GTSE1: variants seen among roughly 807,000 people sequenced by gnomAD.
GTSE1 encodes G2 and S phase-expressed protein 1.
GTSE1 carries 52 observed loss-of-function variants against 60.5 expected under a neutral mutation model. The ratio of observed to expected loss-of-function variants is 0.86; its 90% CI spans 0.69 to 1.08. The LOEUF is 1.08. Among genes scored for constraint, GTSE1 ranks in the 50% least tolerant of loss-of-function variants. The pLI is 0.00. For missense variants in GTSE1, 937 were observed against 961.8 expected (o/e 0.97, Z 0.34); for synonymous variants, 368 against 386.5 (o/e 0.95, Z 0.56).
intron 2 of GTSE1, among the ~76,000 whole-genome samples, chr22:46,299,652 G>A (rs6008568): frequency 0.045 from 6,897 of 152,184 alleles, 527 homozygotes; most frequent in African/African-American, 0.16. Context: ...CTGTCTCACC[G>A]GCTTCTACTT....
At position 46,316,637 on chromosome 22, in the gene GTSE1, T is replaced by C. The variant is rs2077782786; in HGVS notation, c.1432+225T>C. Among the ~76,000 whole-genome samples the C allele has an allele frequency of 6.6e-6, 1 of 152,194 alleles. No individual in the cohort carries two copies. Among genetic ancestry groups the C allele is most frequent in the Non-Finnish European group, 1.5e-5 (1 of 68,048 alleles). ...TGTGTGTGTGACACCCCAATGCTCG[T>C]AGGCTGCTTGTAAGGTTTTCTCTTT... On this transcript the variant is annotated intron_variant, in intron 7 of 11. Coordinates refer to ENST00000454366, the MANE Select transcript of GTSE1 (RefSeq NM_016426.7). The surrounding 1 kb of genome is among the most constrained non-coding windows in gnomAD (Gnocchi z 5.0).
At position 46,329,544 on chromosome 22, in the gene GTSE1, A is replaced by C. The variant is rs1411123161; in HGVS notation, c.2113A>C (p.Lys705Gln). Residue 705 changes from lysine (K) to glutamine (Q), a missense_variant, in exon 11 of 12, where the codon AAA becomes CAA. Transcript: ENST00000454366. This position sits in a 1 kb window ranked among gnomAD's most constrained non-coding sequence, Gnocchi z 6.4. ...NTPDMNKNVA[K>Q]PSPVVGQLID... ...TCCAGACATGAATAAAAATGTGGCC[A>C]AACCTTCACCGGTGGTGGGACAGGT... The C allele has an allele frequency of 1.9e-5, 31 of 1,614,012 alleles. No individual in the cohort carries two copies. Among genetic ancestry groups the C allele is most frequent in the Non-Finnish European group, 2.6e-5 (31 of 1,179,992 alleles).
At position 46,314,796 on chromosome 22, in the gene GTSE1, A is replaced by C. The variant is rs12171124; in HGVS notation, c.1051+783A>C. ...GAGACTGGGCCACGAGAATGGCTTG[A>C]ACGCGGGAGGCAGAGGTTACCATGA... On this transcript the variant is annotated intron_variant, in intron 6 of 11. Coordinates refer to ENST00000454366, the MANE Select transcript of GTSE1 (RefSeq NM_016426.7). The surrounding 1 kb of genome is among the most constrained non-coding windows in gnomAD (Gnocchi z 7.1). Among the ~76,000 whole-genome samples, 22,136 of 150,698 alleles carry C rather than the reference A, an allele frequency of 0.15. 2,193 individuals carry two copies. Among genetic ancestry groups the C allele is most frequent in the African/African-American group, 0.28 (11,429 of 40,804 alleles).
intron 2 of GTSE1, among the ~76,000 whole-genome samples, chr22:46,299,641 G>A (rs148162860): frequency 3.3e-5 from 5 of 152,156 alleles, no homozygotes; most frequent in Non-Finnish European, 4.4e-5. Context: ...TCTCAGCCAC[G>A]CTGTCTCACC....
rs746573864 is a variant in GTSE1 at position 46,312,286 on chromosome 22, C to T, written c.908C>T (p.Ala303Val). ...AGSHLGQGKRAIPVPNKLGLK... is the reference protein window; with the variant it reads ...AGSHLGQGKRVIPVPNKLGLK... ...AGCCACTTGGGCCAGGGCAAGCGGGCGATCCCTGTTCCAAACAAGGTGAGT... is the reference window on the plus strand; with the variant it reads ...AGCCACTTGGGCCAGGGCAAGCGGGTGATCCCTGTTCCAAACAAGGTGAGT... Residue 303 changes from alanine to valine, a missense_variant, in exon 5 of 12, where the codon GCG (alanine) becomes GTG (valine). Ala to Val is a moderately conservative substitution (Grantham distance 64). Coordinates refer to ENST00000454366, the MANE Select transcript of GTSE1 (RefSeq NM_016426.7). The T allele has an allele frequency of 1.3e-4, 217 of 1,612,480 alleles. No homozygotes were observed. The highest frequency in any genetic ancestry group is 1.8e-4 in the Non-Finnish European group (209 of 1,179,440).
chr22:46,324,600 C>G lies in GTSE1; in HGVS notation c.1505+1338C>G, dbSNP rs1044508629. Among the ~76,000 whole-genome samples the G allele has an allele frequency of 1.3e-5, 2 of 152,142 alleles. No individual in the cohort carries two copies. The highest frequency in any genetic ancestry group is 2.9e-5 in the Non-Finnish European group (2 of 68,036). Reference sequence around the variant, plus strand: ...GCCAGGATGGTCTCGATCTCCTGGCCTCGTGATCCACCAGCCTTGGCCTCG... The same window carrying G: ...GCCAGGATGGTCTCGATCTCCTGGCGTCGTGATCCACCAGCCTTGGCCTCG... On this transcript the variant is annotated intron_variant, in intron 8 of 11. Transcript: ENST00000454366. This position sits in a 1 kb window ranked among gnomAD's most constrained non-coding sequence, Gnocchi z 5.2.
Position 46,329,903 on chromosome 22 carries a change from G to C in GTSE1, c.2137-144G>C. 2 of 642,864 alleles carry C rather than the reference G, an allele frequency of 3.1e-6. No homozygotes were observed. Among genetic ancestry groups the C allele is most frequent in the Non-Finnish European group, 5.6e-6 (2 of 355,230 alleles). 39.8% of individuals were successfully genotyped at this position (642,864 alleles called of 1,614,324 possible). On this transcript the variant is annotated intron_variant, in intron 11 of 11. Transcript: ENST00000454366. This position sits in a 1 kb window ranked among gnomAD's most constrained non-coding sequence, Gnocchi z 6.4. ...TGTCTCCTTCCAGCTTCTTAGACGT[G>C]GTGGCCCAGAGTGCTTTTCAGTGCA...
chr22:46,299,719 GA>G (rs1480874746), intron 2 of GTSE1, among the ~76,000 whole-genome samples: 10 of 152,098 alleles, frequency 6.6e-5, no homozygotes, highest in African/African-American at 2.2e-4. Flanking sequence ...CTTCCTTTCG[GA>G]TACACTTTCT....
In GTSE1 at chr22:46,321,874, G is replaced by A. The variant is rs996709458; in HGVS notation, c.1433-1316G>A. On this transcript the variant is annotated intron_variant, in intron 7 of 11. Transcript: ENST00000454366. This position sits in a 1 kb window ranked among gnomAD's most constrained non-coding sequence, Gnocchi z 4.0. ...CAATCACTTGAGGTCAGGAGTTCAA[G>A]ACCAGCCTGGCCAACATGGCAAAAC... Among the ~76,000 whole-genome samples the A allele has an allele frequency of 3.3e-5, 5 of 152,076 alleles. No homozygotes were observed. Among genetic ancestry groups the A allele is most frequent in the Admixed American group, 6.5e-5 (1 of 15,282 alleles).
At chr22:46,312,747 C>T (rs2077756267) in intron 5 of GTSE1, among the ~76,000 whole-genome samples, 1 of 152,018 alleles carries the variant, frequency 6.6e-6, no homozygotes, top group African/African-American at 2.4e-5. Context: ...TGATGGCTAG[C>T]CTCTGCCCTG....
chr22:46,307,390 G>C (rs1182046611), intron 2 of GTSE1, among the ~76,000 whole-genome samples: 1 of 152,174 alleles, frequency 6.6e-6, no homozygotes, highest in Non-Finnish European at 1.5e-5. Flanking sequence ...CCTGGAAAAT[G>C]ACTTATCTCT....
chr22:46,325,554 A>C (rs1237143105), intron 8 of GTSE1, among the ~76,000 whole-genome samples: 2 of 152,056 alleles, frequency 1.3e-5, no homozygotes, highest in Non-Finnish European at 2.9e-5. Context: ...GGAGTGCAGT[A>C]GTGCAATCAT....
Position 46,308,370 on chromosome 22 carries a change from A to G in GTSE1, c.189A>G (p.Arg63=). 1.2e-6 allele frequency: 2 copies of G among 1,614,100 alleles called. No homozygotes were observed. The highest frequency in any genetic ancestry group is 4.5e-5 in the East Asian group (2 of 44,892). ...VFFGPFGHKE[R]CIAASLELNN... ...TCGGACCCTTTGGACATAAAGAAAG[A>G]TGTATTGCTGCCAGCTTGGAATTAA... Residue 63 remains arginine (R), a synonymous_variant, in exon 4 of 12, where the codon AGA becomes AGG. Coordinates refer to ENST00000454366, the MANE Select transcript of GTSE1 (RefSeq NM_016426.7).
chr22:46,299,959 A>ATT (rs130640), intron 2 of GTSE1, among the ~76,000 whole-genome samples: 1,894 of 100,178 alleles, frequency 0.019, 40 homozygotes, highest in Non-Finnish European at 0.029. Flanking sequence ...CGCCCAGCTA[A>ATT]TTTTTTTTTT....
At chr22:46,299,644 G>A (rs1276182071) in intron 2 of GTSE1, among the ~76,000 whole-genome samples, 1 of 152,190 alleles carries the variant, frequency 6.6e-6, no homozygotes, top group African/African-American at 2.4e-5. Context: ...CAGCCACGCT[G>A]TCTCACCGGC....
rs2077868685 is a variant in GTSE1 at position 46,330,225 on chromosome 22, T to C, written c.*95T>C. The C allele has an allele frequency of 1.3e-5, 10 of 764,732 alleles. No individual in the cohort carries two copies. In the Admixed American group the frequency reaches 1.6e-4, roughly 12 times the overall value. 47.4% of individuals were successfully genotyped at this position (764,732 alleles called of 1,614,324 possible). A position where few individuals can be genotyped will look rare whatever the true frequency, so the allele number is the denominator to read the frequency against. On this transcript the variant is annotated 3_prime_UTR_variant, in exon 12 of 12. Coordinates refer to ENST00000454366, the MANE Select transcript of GTSE1 (RefSeq NM_016426.7). The surrounding 1 kb of genome is among the most constrained non-coding windows in gnomAD (Gnocchi z 6.0). ...GGCTGGTCGCAGTGGCTTACACTTG[T>C]AACCCTAGAACTTGGGAGGCTGAGG...
intron 2 of GTSE1, among the ~76,000 whole-genome samples, 186 bp from the exon 3 acceptor site, chr22:46,307,963 AT>A (rs984608215): frequency 1.2e-4 from 19 of 152,244 alleles, no homozygotes; most frequent in Non-Finnish European, 1.9e-4. Flanking sequence ...AATTTAAAAA[AT>A]TTTTTAAAAA....
rs1319072622 is a variant in GTSE1 at position 46,326,601 on chromosome 22, G to C, written c.1671G>C (p.Leu557=). The C allele has an allele frequency of 1.9e-6, 3 of 1,613,580 alleles. No homozygotes were observed. The East Asian group carries it at 6.7e-5, about 36-fold the overall frequency. ...TGCCCAGGGCCGTGGGCTCTCCCCT[G>C]TGTGTGCCAGCTCGGAGACGTTCCT... is the stretch of plus-strand genomic sequence containing the variant. ...KTMPRAVGSP[L]CVPARRRSSE... Residue 557 remains leucine (L), a synonymous_variant, in exon 9 of 12, where the codon CTG becomes CTC. Coordinates refer to ENST00000454366, the MANE Select transcript of GTSE1 (RefSeq NM_016426.7).
At position 46,316,525 on chromosome 22, in the gene GTSE1, A is replaced by G; in HGVS notation, c.1432+113A>G. On this transcript the variant is annotated intron_variant, in intron 7 of 11. Transcript: ENST00000454366. This position sits in a 1 kb window ranked among gnomAD's most constrained non-coding sequence, Gnocchi z 5.0. The stretch of plus-strand genomic sequence containing the variant: ...GGTGTTTTTAGTTCTTTCCTCCAAC[A>G]GTGCTTTCAGGTGTGACCCGCTGTC... 1 of 809,958 alleles carries G rather than the reference A, an allele frequency of 1.2e-6. No homozygotes were observed. The highest frequency in any genetic ancestry group is 2.0e-6 in the Non-Finnish European group (1 of 506,268). 50.2% of individuals were successfully genotyped at this position (809,958 alleles called of 1,614,324 possible).
Sources: gnomAD v4.1 joint callset for allele counts (sites outside exome capture counted in the v4.1 genomes callset) on GRCh38, gnomAD v4.1.1 for gene constraint, Gnocchi (gnomAD v3.1) non-coding constraint, MANE v1.5 for transcripts, NCBI Gene and HGNC (gene_info 2026-07-23, HGNC 2026-07-21) for gene names.